ARSG: variants seen among roughly 807,000 people sequenced by gnomAD.
ARSG encodes arylsulfatase G, also known as ASG.
Under a neutral mutation model 50.5 loss-of-function variants are expected in ARSG, and 37 were observed. That is an observed-to-expected ratio of 0.73 (90% CI 0.56 to 0.96). The LOEUF (loss-of-function observed/expected upper bound fraction) is 0.96, where lower values mean the gene tolerates loss of function less well. Among genes scored for constraint, ARSG ranks in the 50% least tolerant of loss-of-function variants. ARSG has a pLI of 0.00. For missense variants in ARSG, 629 were observed against 675.3 expected, an observed-to-expected ratio of 0.93 and a Z score of 0.76; for synonymous variants, 225 against 254.6, an observed-to-expected ratio of 0.88 and a Z score of 1.11.
chr17:68,395,593 C>G (rs2081208023), intron 10 of ARSG, among the ~76,000 whole-genome samples: 1 of 152,200 alleles, frequency 6.6e-6, no homozygotes, highest in Admixed American at 6.5e-5. Context: ...CTTTCTACCC[C>G]CAACCCCCAG....
intron 8 of ARSG, among the ~76,000 whole-genome samples, chr17:68,375,160 T>C (rs988329848): frequency 5.3e-5 from 8 of 152,190 alleles, no homozygotes; most frequent in Non-Finnish European, 1.0e-4. Context: ...AGGGCTGGGT[T>C]GCTGATGGGA....
chr17:68,361,773 C>G (rs994939051), intron 6 of ARSG, among the ~76,000 whole-genome samples: 2 of 151,974 alleles, frequency 1.3e-5, no homozygotes, highest in Non-Finnish European at 2.9e-5. Flanking sequence ...AAAAATTAGC[C>G]GGTCATGGTG....
At chr17:68,315,916 G>T (rs2077052787) in intron 2 of ARSG, among the ~76,000 whole-genome samples, 1 of 152,062 alleles carries the variant, frequency 6.6e-6, no homozygotes, top group South Asian at 2.1e-4. Context: ...CAAAGTGCGT[G>T]GGTGGCACCC....
intron 2 of ARSG, among the ~76,000 whole-genome samples, chr17:68,339,710 T>A (rs531734709): frequency 1.1e-4 from 17 of 152,374 alleles, no homozygotes; most frequent in Admixed American, 6.5e-4. Flanking sequence ...GGAAATTAGA[T>A]CTAGAGGTTT....
intron 6 of ARSG, among the ~76,000 whole-genome samples, chr17:68,357,804 T>A (rs1366633907): frequency 6.6e-6 from 1 of 152,176 alleles, no homozygotes; most frequent in African/African-American, 2.4e-5. Context: ...TTGGTGCTTC[T>A]TTGTGAAAAT....
At chr17:68,346,832 G>T in intron 3 of ARSG, 1 of 1,368,084 alleles carries the variant, frequency 7.3e-7, no homozygotes, top group Non-Finnish European at 9.6e-7. Context: ...TGTCTGTGGA[G>T]CCCTCTTTGA....
the ARSG span, chr17:68,448,285 AC>A: frequency 2.0e-5 from 3 of 152,164 alleles, no homozygotes; most frequent in Non-Finnish European, 4.4e-5. Context: ...AGAAAAGCAA[AC>A]CCCCAATACT....
At chr17:68,333,628 CAAAAATAATAAT>C (rs1390244090) in intron 2 of ARSG, among the ~76,000 whole-genome samples, 12 of 102,398 alleles carry the variant, frequency 1.2e-4, no homozygotes, top group African/African-American at 4.1e-4. Flanking sequence ...AACTCTGTCT[CAAAAATAATAAT>C]AATAATAATA....
chr17:68,362,036 C>T (rs767548430), intron 6 of ARSG, among the ~76,000 whole-genome samples: 44 of 152,164 alleles, frequency 2.9e-4, no homozygotes, highest in Middle Eastern at 3.2e-3. Flanking sequence ...TTTGTTATAG[C>T]GTCCCTAGCA....
intron 2 of ARSG, among the ~76,000 whole-genome samples, chr17:68,340,796 A>G (rs1285846026): frequency 1.3e-5 from 2 of 152,124 alleles, no homozygotes. Context: ...ATAGAGGTGT[A>G]GTATCCTCAT....
chr17:68,370,974 GT>G (rs35609462), intron 8 of ARSG, among the ~76,000 whole-genome samples: 53,806 of 151,886 alleles, frequency 0.35, 10,479 homozygotes, highest in Non-Finnish European at 0.44. Flanking sequence ...ATTGTCTCCA[GT>G]TCTTACAAGA....
chr17:68,313,454 A>G (rs1394727464), intron 2 of ARSG, among the ~76,000 whole-genome samples: 2 of 152,074 alleles, frequency 1.3e-5, no homozygotes, highest in South Asian at 4.1e-4. Flanking sequence ...CTCAGTTGTT[A>G]TGAGGCGTTC....
chr17:68,449,640 T>C, the ARSG span, among the ~76,000 whole-genome samples: 1 of 152,192 alleles, frequency 6.6e-6, no homozygotes. Context: ...TTGGTCCTGC[T>C]CCTGCCACGT....
chr17:68,417,228 TC>T (rs1399588664), intron 11 of ARSG, among the ~76,000 whole-genome samples: 1 of 152,168 alleles, frequency 6.6e-6, no homozygotes, highest in Non-Finnish European at 1.5e-5. Flanking sequence ...GAGCTGGGTA[TC>T]CCCCTACCCT....
the ARSG span, among the ~76,000 whole-genome samples, chr17:68,445,107 A>T: frequency 3.3e-5 from 5 of 151,908 alleles, no homozygotes; most frequent in African/African-American, 1.2e-4. Context: ...TTTAGTAGAG[A>T]CGGGGTTTCA....
At chr17:68,442,992 A>G in the ARSG span, among the ~76,000 whole-genome samples, 1 of 152,190 alleles carries the variant, frequency 6.6e-6, no homozygotes, top group African/African-American at 2.4e-5. Context: ...AAAACTTACC[A>G]CCCACAGCTT....
At chr17:68,388,208 G>A (rs1053560378) in intron 9 of ARSG, among the ~76,000 whole-genome samples, 1 of 152,150 alleles carries the variant, frequency 6.6e-6, no homozygotes, top group Non-Finnish European at 1.5e-5. Context: ...ATGGGAAAAG[G>A]TTTCAGTAGT....
rs545117911 is a variant in ARSG at position 68,358,417 on chromosome 17, G to A, written c.704+1613G>A. Reference sequence around the variant, plus strand: ...AAAATTATAAAAAGTGGCTGGGCGCGGTGGCTCACGTCTGTAATCCCAGCA... The same window carrying A: ...AAAATTATAAAAAGTGGCTGGGCGCAGTGGCTCACGTCTGTAATCCCAGCA... On this transcript the variant is annotated intron_variant, in intron 6 of 11. Coordinates refer to ENST00000621439, the MANE Select transcript of ARSG (RefSeq NM_001267727.2). 1.6e-4 allele frequency among the ~76,000 whole-genome samples: 24 copies of A among 151,974 alleles called. No individual in the cohort carries two copies. In the South Asian group the frequency reaches 4.0e-3, roughly 25 times the overall value.
At chr17:68,387,524 T>C (rs966065283) in intron 9 of ARSG, among the ~76,000 whole-genome samples, 4 of 152,234 alleles carry the variant, frequency 2.6e-5, no homozygotes, top group Non-Finnish European at 5.9e-5. Context: ...TGAATCCATG[T>C]TAAGCAAATT....
Sources: gnomAD v4.1 joint callset for allele counts (sites outside exome capture counted in the v4.1 genomes callset) on GRCh38, gnomAD v4.1.1 for gene constraint, MANE v1.5 for transcripts, NCBI Gene and HGNC (gene_info 2026-07-23, HGNC 2026-07-21) for gene names.